PLAGL1: variants seen among roughly 807,000 people sequenced by gnomAD.
PLAGL1 encodes PLAG1 like zinc finger 1.
In PLAGL1, 1 loss-of-function variant was observed where a neutral mutation model predicts 4.6. The ratio of observed to expected loss-of-function variants is 0.22; its 90% CI spans 0.08 to 1.03. The LOEUF (loss-of-function observed/expected upper bound fraction) is 1.03. PLAGL1 is among the 50% of genes least tolerant of loss of function. PLAGL1 has a pLI of 0.58. For synonymous variants in PLAGL1, 240 were observed against 237.8 expected, an observed-to-expected ratio of 1.01 and a Z score of -0.08; for missense variants, 464 against 570.4, an observed-to-expected ratio of 0.81 and a Z score of 1.90.
At position 144,044,526 on chromosome 6, in the gene PLAGL1, C is replaced by T. The variant is rs578150802; in HGVS notation, c.-151+19942G>A. On this transcript the variant is annotated intron_variant, in intron 1 of 3. Transcript: ENST00000437412. The stretch of plus-strand genomic sequence containing the variant: ...TTAATCCTGAGTTCTAATTTGATTG[C>T]GCTGTGGTCTGAGAGACAGTTTGTT... Among the ~76,000 whole-genome samples the T allele has an allele frequency of 1.6e-3, 241 of 152,236 alleles. 1 individual carries two copies. In the Middle Eastern group the frequency reaches 0.02, roughly 13 times the overall value.
At chr6:144,049,160 C>T (rs941603858) in intron 1 of PLAGL1, among the ~76,000 whole-genome samples, 2 of 152,236 alleles carry the variant, frequency 1.3e-5, no homozygotes, top group Non-Finnish European at 2.9e-5. Flanking sequence ...CTTTCCTTAT[C>T]TTCATCTGAG....
In PLAGL1 at chr6:143,961,300, C is replaced by T. The variant is rs996523355; in HGVS notation, c.-398-758G>A. Reference sequence around the variant, plus strand: ...TTGGCTTCTTCCTACCAAGGCTATTCCAACCAACTGATCCTCTTACAGGGA... The same window carrying T: ...TTGGCTTCTTCCTACCAAGGCTATTTCAACCAACTGATCCTCTTACAGGGA... On this transcript the variant is annotated intron_variant, in intron 5 of 7. Transcript: ENST00000674357. This position sits in a 1 kb window ranked among gnomAD's most constrained non-coding sequence, Gnocchi z 6.5. The T allele has an allele frequency of 1.3e-5, 2 of 152,222 alleles. No individual in the cohort carries two copies. The highest frequency in any genetic ancestry group is 2.4e-5 in the African/African-American group (1 of 41,456). The allele number at this position is 152,222 out of a possible 1,614,324, so 9.4% of individuals were successfully genotyped here. A position where few individuals can be genotyped will look rare whatever the true frequency, so the allele number is the denominator to read the frequency against.
Position 143,942,691 on chromosome 6 carries a change from T to A in PLAGL1, c.153-28A>T, listed in dbSNP as rs746749261. Reference sequence around the variant, plus strand: ...AGGAGCAGAAGGAGAAATTTCACAATAGAGAGTTGTTTTAAGAGCTGAAGA... The same window carrying A: ...AGGAGCAGAAGGAGAAATTTCACAAAAGAGAGTTGTTTTAAGAGCTGAAGA... On this transcript the variant is annotated intron_variant, in intron 7 of 7. Transcript: ENST00000674357. This position sits in a 1 kb window ranked among gnomAD's most constrained non-coding sequence, Gnocchi z 7.6. The A allele has an allele frequency of 6.4e-7, 1 of 1,568,910 alleles. No individual in the cohort carries two copies.
rs747368182 is a variant in PLAGL1 at position 143,950,073 on chromosome 6, G to A, written c.-324-1613C>T. Among the ~76,000 whole-genome samples, 15 of 151,964 alleles carry A rather than the reference G, an allele frequency of 9.9e-5. No homozygotes were observed. Among genetic ancestry groups the A allele is most frequent in the Non-Finnish European group, 1.9e-4 (13 of 68,028 alleles). On this transcript the variant is annotated intron_variant, in intron 6 of 7. Coordinates refer to ENST00000674357, the MANE Select transcript of PLAGL1 (RefSeq NM_001317162.2). This position sits in a 1 kb window ranked among gnomAD's most constrained non-coding sequence, Gnocchi z 6.3. ...TTTTCAGTGTCTGGACAGAGTTCGC[G>A]GTACCAAGCAAATACCCCTCACCAT...
chr6:144,063,587 G>A lies in PLAGL1; in HGVS notation c.-151+881C>T, dbSNP rs1427120441. 1.3e-5 allele frequency among the ~76,000 whole-genome samples: 2 copies of A among 152,142 alleles called. No homozygotes were observed. Among genetic ancestry groups the A allele is most frequent in the Non-Finnish European group, 2.9e-5 (2 of 68,018 alleles). On this transcript the variant is annotated intron_variant, in intron 1 of 3. Coordinates refer to the PLAGL1 transcript ENST00000437412. This position sits in a 1 kb window ranked among gnomAD's most constrained non-coding sequence, Gnocchi z 5.7. ...AATACATCGGAGTTCTGTTCTTTCG[G>A]TGGCCACACAGATGCTCAATGCCAC...
rs1799217912 is a variant in PLAGL1 at position 144,059,302 on chromosome 6, G to A, written c.-151+5166C>T. Among the ~76,000 whole-genome samples the A allele has an allele frequency of 6.6e-6, 1 of 152,248 alleles. No individual in the cohort carries two copies. Among genetic ancestry groups the A allele is most frequent in the South Asian group, 2.1e-4 (1 of 4,836 alleles). On this transcript the variant is annotated intron_variant, in intron 1 of 3. Transcript: ENST00000437412. The surrounding 1 kb of genome is among the most constrained non-coding windows in gnomAD (Gnocchi z 4.9). Reference sequence around the variant, plus strand: ...GTGAGGAGCAGCTTCCCAGGGTGGTGCAGGGCATCAGGGCCCCAGGCCTGG... The same window carrying A: ...GTGAGGAGCAGCTTCCCAGGGTGGTACAGGGCATCAGGGCCCCAGGCCTGG...
In PLAGL1 at chr6:144,059,274, A is replaced by G. The variant is rs1439523296; in HGVS notation, c.-151+5194T>C. Among the ~76,000 whole-genome samples the G allele has an allele frequency of 6.6e-6, 1 of 152,232 alleles. No homozygotes were observed. The highest frequency in any genetic ancestry group is 1.5e-5 in the Non-Finnish European group (1 of 68,042). On this transcript the variant is annotated intron_variant, in intron 1 of 3. Transcript: ENST00000437412. The surrounding 1 kb of genome is among the most constrained non-coding windows in gnomAD (Gnocchi z 4.9). ...ACCAAGACTGGAACTGGAGCAGTGG[A>G]ATGTGAGGAGCAGCTTCCCAGGGTG...
intron 1 of PLAGL1, among the ~76,000 whole-genome samples, chr6:143,988,419 T>C (rs751653771): frequency 4.6e-5 from 7 of 152,164 alleles, no homozygotes; most frequent in Non-Finnish European, 1.0e-4. Flanking sequence ...GCAGAGTTAA[T>C]GGTAGGTTGG....
At position 144,050,913 on chromosome 6, in the gene PLAGL1, C is replaced by CA. The variant is rs1318406331; in HGVS notation, c.-151+13554dup. ...CCCTGTCTCAAAAACAAAACAAAGCCAAAAACCTTAGGGAACTGTATCTGT... is the reference window on the plus strand; with the variant it reads ...CCCTGTCTCAAAAACAAAACAAAGCCAAAAAACCTTAGGGAACTGTATCTGT... On this transcript the variant is annotated intron_variant, in intron 1 of 3. Coordinates refer to the PLAGL1 transcript ENST00000437412. The surrounding 1 kb of genome is among the most constrained non-coding windows in gnomAD (Gnocchi z 4.3). Among the ~76,000 whole-genome samples, 1 of 152,030 alleles carries CA rather than the reference C, an allele frequency of 6.6e-6. No individual in the cohort carries two copies. The highest frequency in any genetic ancestry group is 2.4e-5 in the African/African-American group (1 of 41,400).
chr6:143,954,403 A>C lies in PLAGL1; in HGVS notation c.-324-5943T>G, dbSNP rs1322244172. Among the ~76,000 whole-genome samples, 1 of 152,244 alleles carries C rather than the reference A, an allele frequency of 6.6e-6. No homozygotes were observed. Among genetic ancestry groups the C allele is most frequent in the African/African-American group, 2.4e-5 (1 of 41,454 alleles). On this transcript the variant is annotated intron_variant, in intron 6 of 7. Coordinates refer to ENST00000674357, the MANE Select transcript of PLAGL1 (RefSeq NM_001317162.2). This position sits in a 1 kb window ranked among gnomAD's most constrained non-coding sequence, Gnocchi z 5.1. ...AGGATATTATTTTTTAAAGAGGACA[A>C]CACCAACAAAAAGGCAGTGGCAGTG...
At chr6:144,028,831 T>C (rs1796570401) in intron 1 of PLAGL1, among the ~76,000 whole-genome samples, 1 of 152,208 alleles carries the variant, frequency 6.6e-6, no homozygotes, top group African/African-American at 2.4e-5. Context: ...TTTTTTCTTA[T>C]TATAAAAATA....
rs1562574931 is a variant in PLAGL1 at position 144,015,431 on chromosome 6, T to C, written c.-150-46453A>G. On this transcript the variant is annotated intron_variant, in intron 1 of 3. Transcript: ENST00000437412. This position sits in a 1 kb window ranked among gnomAD's most constrained non-coding sequence, Gnocchi z 4.3. ...TGACCCTAAAAGAATAAACTGGCAA[T>C]TGGATTTTACTAAAATAAAACCTGA... is the stretch of plus-strand genomic sequence containing the variant. Among the ~76,000 whole-genome samples the C allele has an allele frequency of 6.6e-6, 1 of 152,094 alleles. No individual in the cohort carries two copies. Among genetic ancestry groups the C allele is most frequent in the South Asian group, 2.1e-4 (1 of 4,830 alleles).
rs927764621 is a variant in PLAGL1, at chr6:143,989,340, C to T, written c.-583-4166G>A. ...CCAGGTTAAACATTATTTCTGGCTACGTCCATGCAGGTATTTCTGGATGAA... is the reference window on the plus strand; with the variant it reads ...CCAGGTTAAACATTATTTCTGGCTATGTCCATGCAGGTATTTCTGGATGAA... On this transcript the variant is annotated intron_variant, in intron 1 of 7. Coordinates refer to ENST00000674357, the MANE Select transcript of PLAGL1 (RefSeq NM_001317162.2). This position sits in a 1 kb window ranked among gnomAD's most constrained non-coding sequence, Gnocchi z 4.8. Among the ~76,000 whole-genome samples, 8 of 152,176 alleles carry T rather than the reference C, an allele frequency of 5.3e-5. No homozygotes were observed. Among genetic ancestry groups the T allele is most frequent in the Non-Finnish European group, 8.8e-5 (6 of 68,028 alleles).
At chr6:144,012,632 C>T (rs1795270345), upstream of PLAGL1, among the ~76,000 whole-genome samples, 1 of 152,166 alleles carries the variant, frequency 6.6e-6, no homozygotes, top group Admixed American at 6.5e-5. This position sits in a 1 kb window ranked among gnomAD's most constrained non-coding sequence, Gnocchi z 4.8. Context: ...TGGTAATGAA[C>T]TATATGAAAT....
intron 1 of PLAGL1, among the ~76,000 whole-genome samples, chr6:144,032,584 C>T (rs773967914): frequency 2.0e-4 from 30 of 152,112 alleles, no homozygotes; most frequent in South Asian, 1.0e-3. Flanking sequence ...TTTTTTGAGA[C>T]GGAGTCTTGG....
rs1372076079 is a variant in PLAGL1, at chr6:143,948,275, T to A, written c.-139A>T. The A allele has an allele frequency of 5.7e-6, 4 of 706,750 alleles. No homozygotes were observed. Among genetic ancestry groups the A allele is most frequent in the Non-Finnish European group, 9.7e-6 (4 of 412,144 alleles). The allele number at this position is 706,750 out of a possible 1,614,324, so 43.8% of individuals were successfully genotyped here. ...CCAGACCACGGGAGAGGCAGCATCGTGGGCCTGGTTCTACCCAGACATGGA... is the reference window on the plus strand; with the variant it reads ...CCAGACCACGGGAGAGGCAGCATCGAGGGCCTGGTTCTACCCAGACATGGA... On this transcript the variant is annotated 5_prime_UTR_variant, in exon 7 of 8. Transcript: ENST00000674357. The surrounding 1 kb of genome is among the most constrained non-coding windows in gnomAD (Gnocchi z 6.0).
rs1054495209 is a variant in PLAGL1 at position 144,064,059 on chromosome 6, G to A, written c.-151+409C>T. ...CGCAGACAGCCCCGCCCCCAGCCTCGGAGAGCACAGGACCCGGGAGGCGGC... is the reference window on the plus strand; with the variant it reads ...CGCAGACAGCCCCGCCCCCAGCCTCAGAGAGCACAGGACCCGGGAGGCGGC... On this transcript the variant is annotated intron_variant, in intron 1 of 3. Transcript: ENST00000437412. This position sits in a 1 kb window ranked among gnomAD's most constrained non-coding sequence, Gnocchi z 6.8. Among the ~76,000 whole-genome samples, 4 of 152,120 alleles carry A rather than the reference G, an allele frequency of 2.6e-5. No individual in the cohort carries two copies. The highest frequency in any genetic ancestry group is 2.1e-4 in the South Asian group (1 of 4,830).
rs1465556253 is a variant in PLAGL1 at position 143,964,723 on chromosome 6, T to G, written c.-399+64A>C. On this transcript the variant is annotated intron_variant, in intron 5 of 7. Transcript: ENST00000674357. This position sits in a 1 kb window ranked among gnomAD's most constrained non-coding sequence, Gnocchi z 4.3. Reference sequence around the variant, plus strand: ...CGGGGAGGGCAGCAGGCTTATGCTTTAAACCCCTGAGGCAGATAGAGAAGG... The same window carrying G: ...CGGGGAGGGCAGCAGGCTTATGCTTGAAACCCCTGAGGCAGATAGAGAAGG... 1 of 152,244 alleles carries G rather than the reference T, an allele frequency of 6.6e-6. No homozygotes were observed. The highest frequency in any genetic ancestry group is 1.5e-5 in the Non-Finnish European group (1 of 68,140). 9.4% of individuals were successfully genotyped at this position (152,244 alleles called of 1,614,324 possible). A position where few individuals can be genotyped will look rare whatever the true frequency, so the allele number is the denominator to read the frequency against.
In PLAGL1 at chr6:144,013,439, G is replaced by A. The variant is rs1420173634; in HGVS notation, c.-150-44461C>T. Among the ~76,000 whole-genome samples the A allele has an allele frequency of 3.3e-5, 5 of 152,160 alleles. No homozygotes were observed. Among genetic ancestry groups the A allele is most frequent in the Admixed American group, 6.5e-5 (1 of 15,276 alleles). The stretch of plus-strand genomic sequence containing the variant: ...CCCATCCTGAAAAAAATGACAACTA[G>A]GAATGGAATGGAACTTCCTTAGCCA... On this transcript the variant is annotated intron_variant, in intron 1 of 3. Transcript: ENST00000437412. This position sits in a 1 kb window ranked among gnomAD's most constrained non-coding sequence, Gnocchi z 4.4.
Sources: gnomAD v4.1 joint callset for allele counts (sites outside exome capture counted in the v4.1 genomes callset) on GRCh38, gnomAD v4.1.1 for gene constraint, Gnocchi (gnomAD v3.1) non-coding constraint, MANE v1.5 for transcripts, NCBI Gene and HGNC (gene_info 2026-07-23, HGNC 2026-07-21) for gene names.